Variants in IMPG1 observed in about 807,000 individuals in gnomAD.
IMPG1 encodes interphotoreceptor matrix proteoglycan of 150 kDa.
Under a neutral mutation model 92.0 loss-of-function variants are expected in IMPG1, and 85 were observed. That is an observed-to-expected ratio of 0.92 (90% CI 0.78 to 1.11). IMPG1 has a LOEUF of 1.11. Ranked by LOEUF, IMPG1 falls within the 50% of genes least tolerant of loss-of-function variation. IMPG1 has a pLI of 0.00. For missense variants in IMPG1, 1,022 were observed against 956.0 expected (o/e 1.07, Z -0.91); for synonymous variants, 367 against 334.1 (o/e 1.10, Z -1.08).
chr6:76,015,407 G>T (rs1412917252), intron 7 of IMPG1, among the ~76,000 whole-genome samples: 1 of 152,136 alleles, frequency 6.6e-6, no homozygotes, highest in Non-Finnish European at 1.5e-5. Flanking sequence ...AGTGACGACT[G>T]TGCAAATGGA....
chr6:75,936,220 G>T (rs761505095), intron 14 of IMPG1, among the ~76,000 whole-genome samples: 48 of 152,332 alleles, frequency 3.2e-4, no homozygotes, highest in Admixed American at 5.2e-4. Context: ...TTTAAATCAA[G>T]TGATCACTAA....
chr6:75,938,615 C>A (rs1298762603), intron 14 of IMPG1, among the ~76,000 whole-genome samples: 1 of 152,042 alleles, frequency 6.6e-6, no homozygotes, highest in African/African-American at 2.4e-5. Flanking sequence ...GAGTTTGAGA[C>A]CAGCCTGGCC....
chr6:76,005,549 G>T lies in IMPG1; in HGVS notation c.888-15C>A, dbSNP rs774392688. The T allele has an allele frequency of 6.2e-7, 1 of 1,611,332 alleles. No homozygotes were observed. Among genetic ancestry groups the T allele is most frequent in the Non-Finnish European group, 8.5e-7 (1 of 1,178,486 alleles). ...TGGAGCTTGAGCTGTAGATAGCAGA[G>T]GACACATTCCCCACCCAAAGCCATT... On this transcript the variant is annotated splice_polypyrimidine_tract_variant and intron_variant, in intron 9 of 16. Coordinates refer to ENST00000369950, the MANE Select transcript of IMPG1 (RefSeq NM_001563.4).
At chr6:76,036,244 G>A (rs1299928605) in intron 2 of IMPG1, among the ~76,000 whole-genome samples, 2 of 152,118 alleles carry the variant, frequency 1.3e-5, no homozygotes, top group African/African-American at 2.4e-5. Context: ...TATAAATAAC[G>A]ACTAATTGTA....
At chr6:76,028,567 CG>C (rs1476505752) in intron 4 of IMPG1, among the ~76,000 whole-genome samples, 1 of 152,220 alleles carries the variant, frequency 6.6e-6, no homozygotes, top group Non-Finnish European at 1.5e-5. Context: ...CGGTGGCTCA[CG>C]CCTGTAATCC....
In IMPG1 at chr6:76,072,421, C is replaced by T. The variant is rs572528787; in HGVS notation, c.67+1G>A. 13 of 1,507,370 alleles carry T rather than the reference C, an allele frequency of 8.6e-6. No homozygotes were observed. The South Asian group carries it at 1.3e-4, about 15-fold the overall frequency. 93.4% of individuals were successfully genotyped at this position (1,507,370 alleles called of 1,614,324 possible). A position where few individuals can be genotyped will look rare whatever the true frequency, so the allele number is the denominator to read the frequency against. On this transcript the variant is annotated splice_donor_variant, in intron 1 of 16. Coordinates refer to ENST00000369950, the MANE Select transcript of IMPG1 (RefSeq NM_001563.4). LOFTEE classifies it high-confidence loss of function. Reference sequence around the variant, plus strand: ...TAAAAGTAAACATTTAAGTAACTTACCTTTGGTTCCTTGAACTTGGAGAAA... The same window carrying T: ...TAAAAGTAAACATTTAAGTAACTTATCTTTGGTTCCTTGAACTTGGAGAAA...
At chr6:75,980,198 C>T (rs1014124077) in intron 12 of IMPG1, among the ~76,000 whole-genome samples, 1 of 151,968 alleles carries the variant, frequency 6.6e-6, no homozygotes, top group African/African-American at 2.4e-5. Flanking sequence ...AAATAGAGGG[C>T]AGTATACATT....
intron 12 of IMPG1, among the ~76,000 whole-genome samples, chr6:75,980,850 A>G (rs181236842): frequency 2.0e-5 from 3 of 152,246 alleles, no homozygotes; most frequent in African/African-American, 7.2e-5. Flanking sequence ...ATATATGCAT[A>G]TATCCTATTA....
intron 9 of IMPG1, among the ~76,000 whole-genome samples, chr6:76,007,266 T>G (rs1357507825): frequency 6.6e-6 from 1 of 152,162 alleles, no homozygotes; most frequent in East Asian, 1.9e-4. Flanking sequence ...CAAGGAAATA[T>G]TTACCTGTAT....
At chr6:75,987,544 A>T (rs1782738704) in intron 12 of IMPG1, among the ~76,000 whole-genome samples, 1 of 146,244 alleles carries the variant, frequency 6.8e-6, no homozygotes, top group South Asian at 2.2e-4. Context: ...CCCACCGATG[A>T]GTGAGAACAT....
intron 12 of IMPG1, among the ~76,000 whole-genome samples, chr6:75,955,374 A>C (rs1157925063): frequency 6.6e-6 from 1 of 152,148 alleles, no homozygotes; most frequent in Non-Finnish European, 1.5e-5. Flanking sequence ...TCTTTGTAGC[A>C]GTTGTGAATG....
At chr6:75,956,886 C>T (rs1318918427) in intron 12 of IMPG1, among the ~76,000 whole-genome samples, 2 of 152,128 alleles carry the variant, frequency 1.3e-5, no homozygotes, top group African/African-American at 4.8e-5. Flanking sequence ...TGTGCAGTTT[C>T]CAGGTAGTTG....
chr6:75,959,684 A>C (rs115476167), intron 12 of IMPG1, among the ~76,000 whole-genome samples: 1,523 of 152,212 alleles, frequency 0.01, 33 homozygotes, highest in African/African-American at 0.032. Context: ...CTGCCTACTC[A>C]TGCCTAAGTA....
Position 76,018,866 on chromosome 6 carries a change from T to TAAA in IMPG1, c.667-11_667-9dup, listed in dbSNP as rs377755519. 5 of 1,463,278 alleles carry TAAA rather than the reference T, an allele frequency of 3.4e-6. No individual in the cohort carries two copies. The highest frequency in any genetic ancestry group is 4.6e-6 in the Non-Finnish European group (5 of 1,088,920). The allele number at this position is 1,463,278 out of a possible 1,614,324, so 90.6% of individuals were successfully genotyped here. A position where few individuals can be genotyped will look rare whatever the true frequency, so the allele number is the denominator to read the frequency against. ...GAATTCTGTTTCTCTTTCCTGAGTT[T>TAAA]AAAAAAAAAAAAAAGGACTTCTGTT... On this transcript the variant is annotated splice_polypyrimidine_tract_variant and intron_variant, in intron 6 of 16. Coordinates refer to ENST00000369950, the MANE Select transcript of IMPG1 (RefSeq NM_001563.4).
intron 15 of IMPG1, among the ~76,000 whole-genome samples, chr6:75,926,667 T>C (rs67693719): frequency 0.32 from 49,226 of 152,008 alleles, 8,008 homozygotes; most frequent in South Asian, 0.39. Flanking sequence ...TAGATTTAGA[T>C]TTGCATTTTT....
At position 76,068,130 on chromosome 6, in the gene IMPG1, G is replaced by A. The variant is rs541130708; in HGVS notation, c.67+4292C>T. ...AGCATACCCCTAAGAACTGGAAGAA[G>A]ACAAGGATGCCCACTTTAACCACTC... On this transcript the variant is annotated intron_variant, in intron 1 of 16. Transcript: ENST00000369950. Among the ~76,000 whole-genome samples, 6 of 152,316 alleles carry A rather than the reference G, an allele frequency of 3.9e-5. No homozygotes were observed. The South Asian group carries it at 1.2e-3, about 32-fold the overall frequency.
At chr6:76,020,953 T>C (rs1201687629) in intron 6 of IMPG1, among the ~76,000 whole-genome samples, 1 of 152,232 alleles carries the variant, frequency 6.6e-6, no homozygotes, top group Non-Finnish European at 1.5e-5. Context: ...AGTCATCCTT[T>C]GTGGGTAAAA....
chr6:75,990,136 A>G (rs1340905254), intron 12 of IMPG1, among the ~76,000 whole-genome samples: 1 of 152,204 alleles, frequency 6.6e-6, no homozygotes, highest in African/African-American at 2.4e-5. Context: ...ATCCCTATCA[A>G]TGAAGTATGG....
chr6:75,984,911 A>G (rs1001797342), intron 12 of IMPG1, among the ~76,000 whole-genome samples: 2 of 152,142 alleles, frequency 1.3e-5, no homozygotes, highest in African/African-American at 4.8e-5. Context: ...CACCATGATT[A>G]CAAGCTTCCC....
Sources: gnomAD v4.1 joint callset for allele counts (sites outside exome capture counted in the v4.1 genomes callset) on GRCh38, gnomAD v4.1.1 for gene constraint, MANE v1.5 for transcripts, NCBI Gene and HGNC (gene_info 2026-07-23, HGNC 2026-07-21) for gene names.